MTUS2: variants seen among roughly 807,000 people sequenced by gnomAD.
MTUS2 encodes the protein microtubule-associated tumor suppressor candidate 2.
Under a neutral mutation model 114.1 loss-of-function variants are expected in MTUS2, and 40 were observed. The observed-to-expected ratio is 0.35, with a 90% confidence interval of 0.27 to 0.46. MTUS2 has a LOEUF of 0.46. Ranked by LOEUF, MTUS2 falls within the 20% of genes least tolerant of loss-of-function variation. The probability of loss-of-function intolerance (pLI) is 1.00; values close to 1 mark genes in which losing one functional copy is unlikely to be tolerated. For synonymous variants in MTUS2, 688 were observed against 672.0 expected, an observed-to-expected ratio of 1.02 and a Z score of -0.37; for missense variants, 1,679 against 1,705.4, an observed-to-expected ratio of 0.98 and a Z score of 0.27.
intron 8 of MTUS2, among the ~76,000 whole-genome samples, chr13:29,407,233 G>A (rs1337657936): frequency 1.3e-5 from 2 of 152,196 alleles, no homozygotes; most frequent in East Asian, 1.9e-4. Flanking sequence ...GCAACAGAGC[G>A]AGACTGCATC....
In MTUS2 at chr13:29,324,601, A is replaced by T; in HGVS notation, c.2807-12A>T. 3 of 1,556,438 alleles carry T rather than the reference A, an allele frequency of 1.9e-6. No individual in the cohort carries two copies. The highest frequency in any genetic ancestry group is 2.6e-6 in the Non-Finnish European group (3 of 1,144,778). On this transcript the variant is annotated splice_polypyrimidine_tract_variant and intron_variant, in intron 6 of 15. Transcript: ENST00000612955. ...TACTTTCTACCTATTTCTCTTTTCC[A>T]ACTATACACAGGAACAAAGAAAGAT...
intron 5 of MTUS2, among the ~76,000 whole-genome samples, chr13:29,123,222 T>C (rs190567435): frequency 8.5e-5 from 13 of 152,266 alleles, no homozygotes; most frequent in Admixed American, 2.0e-4. Context: ...TTCACTGTTC[T>C]TTTTTTAAAT....
At chr13:29,101,694 A>C (rs1890426376) in intron 5 of MTUS2, among the ~76,000 whole-genome samples, 1 of 152,230 alleles carries the variant, frequency 6.6e-6, no homozygotes, top group African/African-American at 2.4e-5. Context: ...AAACCATGAC[A>C]TCTCAGATGT....
At chr13:29,425,906 C>G (rs369554098) in intron 8 of MTUS2, among the ~76,000 whole-genome samples, 1 of 152,130 alleles carries the variant, frequency 6.6e-6, no homozygotes, top group South Asian at 2.1e-4. Context: ...AACTGGTTAG[C>G]AAGGGCTCTC....
At position 28,952,887 on chromosome 13, in the gene MTUS2, G is replaced by A. The variant is rs61950557; in HGVS notation, c.-242-71570G>A. ...CATTAGGAATAGTGGTATAATAAAC[G>A]TATTTGTACATTCTTTTTGTACTGG... is the stretch of plus-strand genomic sequence containing the variant. On this transcript the variant is annotated intron_variant, in intron 2 of 15. Coordinates refer to ENST00000612955, the MANE Select transcript of MTUS2 (RefSeq NM_001033602.4). 6.9e-3 allele frequency among the ~76,000 whole-genome samples: 1,043 copies of A among 152,218 alleles called. 6 individuals carry two copies. The highest frequency in any genetic ancestry group is 0.01 in the Non-Finnish European group (698 of 68,008).
At chr13:29,361,517 C>T (rs556110550) in intron 8 of MTUS2, among the ~76,000 whole-genome samples, 33 of 152,098 alleles carry the variant, frequency 2.2e-4, no homozygotes, top group African/African-American at 7.7e-4. Context: ...TTTATGCAGG[C>T]CGTCATGCAT....
intron 5 of MTUS2, among the ~76,000 whole-genome samples, chr13:29,140,855 C>G (rs1892190032): frequency 1.3e-5 from 2 of 152,150 alleles, no homozygotes; most frequent in South Asian, 4.2e-4. Context: ...TACTTGAAAA[C>G]ACAGCAAAGT....
intron 2 of MTUS2, among the ~76,000 whole-genome samples, chr13:28,875,301 C>G (rs1321732830): frequency 6.6e-6 from 1 of 151,926 alleles, no homozygotes; most frequent in Non-Finnish European, 1.5e-5. Context: ...AGATAAAGCA[C>G]CAGCTAGCAC....
chr13:29,309,011 A>G (rs1376472062), intron 6 of MTUS2, among the ~76,000 whole-genome samples: 1 of 152,222 alleles, frequency 6.6e-6, no homozygotes, highest in Non-Finnish European at 1.5e-5. Context: ...TGTGGAAGAC[A>G]GTGTGGCAAT....
At chr13:29,000,059 T>C (rs1885313521) in intron 2 of MTUS2, among the ~76,000 whole-genome samples, 1 of 152,232 alleles carries the variant, frequency 6.6e-6, no homozygotes, top group Admixed American at 6.5e-5. Context: ...CCTTGGTTAC[T>C]GTGAATAGCA....
At chr13:29,369,118 G>GAA (rs35202699) in intron 8 of MTUS2, among the ~76,000 whole-genome samples, 12 of 151,692 alleles carry the variant, frequency 7.9e-5, no homozygotes, top group African/African-American at 2.4e-4. Context: ...CAGGCAGCGG[G>GAA]AAAAAAAAGG....
chr13:29,025,616 A>C lies in MTUS2; in HGVS notation c.918A>C (p.Gly306=). 6.2e-7 allele frequency: 1 copy of C among 1,614,046 alleles called. No individual in the cohort carries two copies. The stretch of plus-strand genomic sequence containing the variant: ...AAGCACAATTAGGTCAGGGAAAGGG[A>C]GAGGCCAAGCTGGATCTGAAATATG... ...KLEAQLGQGK[G]EAKLDLKYVP... The change falls in exon 3 of 16, where the codon GGA becomes GGC. Residue 306 remains glycine (G), a synonymous_variant. Transcript: ENST00000612955.
chr13:28,991,170 G>A lies in MTUS2; in HGVS notation c.-242-33287G>A, dbSNP rs944675799. Among the ~76,000 whole-genome samples the A allele has an allele frequency of 3.3e-5, 5 of 152,290 alleles. No homozygotes were observed. The East Asian group carries it at 7.7e-4, about 23-fold the overall frequency. ...GAGGGCTAGACTTTTAAGAATTTTT[G>A]CTCATTTAAGACTGCTGCTATGTTA... On this transcript the variant is annotated intron_variant, in intron 2 of 15. Transcript: ENST00000612955.
At chr13:29,457,280 A>G (rs1365329338) in intron 9 of MTUS2, among the ~76,000 whole-genome samples, 2 of 152,154 alleles carry the variant, frequency 1.3e-5, no homozygotes, top group African/African-American at 2.4e-5. Flanking sequence ...ACATTGCACC[A>G]GAAAGTTCCC....
At chr13:29,470,197 A>G (rs1880175591) in intron 9 of MTUS2, among the ~76,000 whole-genome samples, 1 of 152,190 alleles carries the variant, frequency 6.6e-6, no homozygotes, top group South Asian at 2.1e-4. Context: ...CTGAGGCTCC[A>G]TGCTTTTAAT....
chr13:29,175,778 T>TC (rs1288837201), intron 5 of MTUS2, among the ~76,000 whole-genome samples: 1 of 151,664 alleles, frequency 6.6e-6, no homozygotes, highest in East Asian at 1.9e-4. Context: ...GGTTTTCTTT[T>TC]TTTTTTTCTG....
chr13:28,985,793 G>C lies in MTUS2; in HGVS notation c.-242-38664G>C, dbSNP rs950379842. ...TGGGTAAAGCAGATTGATCCTCCATGATGTGGGTGGGCCTCATCCAATCAG... is the reference window on the plus strand; with the variant it reads ...TGGGTAAAGCAGATTGATCCTCCATCATGTGGGTGGGCCTCATCCAATCAG... On this transcript the variant is annotated intron_variant, in intron 2 of 15. Transcript: ENST00000612955. Among the ~76,000 whole-genome samples, 3 of 152,166 alleles carry C rather than the reference G, an allele frequency of 2.0e-5. No homozygotes were observed. In the South Asian group the frequency reaches 6.2e-4, roughly 31 times the overall value.
chr13:29,022,980 TC>T (rs1420355445), intron 2 of MTUS2, among the ~76,000 whole-genome samples: 4 of 152,234 alleles, frequency 2.6e-5, no homozygotes, highest in Non-Finnish European at 5.9e-5. Flanking sequence ...ATTTTCAGTG[TC>T]TAGCAAATCT....
At chr13:29,022,262 A>G (rs1886323081) in intron 2 of MTUS2, among the ~76,000 whole-genome samples, 1 of 152,220 alleles carries the variant, frequency 6.6e-6, no homozygotes, top group Non-Finnish European at 1.5e-5. Context: ...GAGATCTCTA[A>G]GTTGGAAACA....
Sources: allele counts gnomAD v4.1 joint callset (sites outside exome capture counted in the v4.1 genomes callset), GRCh38; gene constraint gnomAD v4.1.1; transcripts MANE v1.5; gene names NCBI Gene and HGNC (gene_info 2026-07-23, HGNC 2026-07-21).